The following HS6ST3 variants were observed in gnomAD, a reference collection of about 807,000 sequenced individuals.
HS6ST3 encodes heparan sulfate 6-O-sulfotransferase 3.
A neutral mutation model predicts 36.7 loss-of-function variants in HS6ST3; 12 were observed. The ratio of observed to expected loss-of-function variants is 0.33; its 90% CI spans 0.21 to 0.53. The LOEUF (loss-of-function observed/expected upper bound fraction) is 0.53, where lower values mean the gene tolerates loss of function less well. Ranked by LOEUF, HS6ST3 falls within the 20% of genes least tolerant of loss-of-function variation. HS6ST3 has a pLI of 0.95. For missense variants in HS6ST3, 584 were observed against 640.9 expected, an observed-to-expected ratio of 0.91 and a Z score of 0.96; for synonymous variants, 240 against 257.5, an observed-to-expected ratio of 0.93 and a Z score of 0.65.
At chr13:96,474,394 T>A (rs1203876996) in intron 1 of HS6ST3, among the ~76,000 whole-genome samples, 1 of 152,134 alleles carries the variant, frequency 6.6e-6, no homozygotes, top group Non-Finnish European at 1.5e-5. Context: ...GGATAGGAAA[T>A]GTTTAAAAAT....
chr13:96,622,336 T>G (rs905188118), intron 1 of HS6ST3, among the ~76,000 whole-genome samples: 1 of 152,200 alleles, frequency 6.6e-6, no homozygotes, highest in Non-Finnish European at 1.5e-5. Context: ...TGGTAACTAC[T>G]TGGGAGAAAT....
At position 96,365,123 on chromosome 13, in the gene HS6ST3, C is replaced by T. The variant is rs138789752; in HGVS notation, c.707+273554C>T. Among the ~76,000 whole-genome samples, 11 of 152,286 alleles carry T rather than the reference C, an allele frequency of 7.2e-5. No individual in the cohort carries two copies. The East Asian group carries it at 2.1e-3, about 29-fold the overall frequency. On this transcript the variant is annotated intron_variant, in intron 1 of 1. Transcript: ENST00000376705. ...GACCAGGCACTCTGTTTTGCTAGGTCAGGTTTAGTCCAGGTTTTAAGTCAG... is the reference window on the plus strand; with the variant it reads ...GACCAGGCACTCTGTTTTGCTAGGTTAGGTTTAGTCCAGGTTTTAAGTCAG...
At chr13:96,547,549 G>T (rs1311065909) in intron 1 of HS6ST3, among the ~76,000 whole-genome samples, 5 of 152,164 alleles carry the variant, frequency 3.3e-5, no homozygotes, top group Non-Finnish European at 1.5e-5. Flanking sequence ...ATTAACTTTA[G>T]TGGTTTCCTT....
At chr13:96,451,523 T>G (rs1018314775) in intron 1 of HS6ST3, among the ~76,000 whole-genome samples, 1 of 152,202 alleles carries the variant, frequency 6.6e-6, no homozygotes, top group African/African-American at 2.4e-5. Context: ...AAGTTTGAAT[T>G]CTCTGCTCAA....
chr13:96,234,325 G>A (rs61966862), intron 1 of HS6ST3, among the ~76,000 whole-genome samples: 14 of 152,038 alleles, frequency 9.2e-5, no homozygotes, highest in Non-Finnish European at 1.2e-4. Flanking sequence ...CAAGAGAATC[G>A]TTTGAACCCA....
intron 1 of HS6ST3, among the ~76,000 whole-genome samples, chr13:96,756,140 G>A (rs1170537534): frequency 6.6e-6 from 1 of 152,042 alleles, no homozygotes; most frequent in African/African-American, 2.4e-5. Flanking sequence ...GGCCGATTGA[G>A]TATCTTCTTT....
chr13:96,131,427 A>T (rs2053975104), intron 1 of HS6ST3, among the ~76,000 whole-genome samples: 1 of 151,036 alleles, frequency 6.6e-6, no homozygotes, highest in African/African-American at 2.5e-5. Context: ...AAAAAAACTT[A>T]AAAAAATTGA....
intron 1 of HS6ST3, among the ~76,000 whole-genome samples, chr13:96,155,670 C>A (rs1218600543): frequency 6.6e-6 from 1 of 152,066 alleles, no homozygotes; most frequent in Non-Finnish European, 1.5e-5. Flanking sequence ...TCAGTATATA[C>A]CAAGTAATTC....
intron 1 of HS6ST3, among the ~76,000 whole-genome samples, chr13:96,586,924 A>G (rs2056363542): frequency 6.6e-6 from 1 of 152,126 alleles, no homozygotes; most frequent in Non-Finnish European, 1.5e-5. Context: ...TAATAGTTTC[A>G]TGTCTTCCAA....
intron 1 of HS6ST3, among the ~76,000 whole-genome samples, chr13:96,393,724 C>T (rs1182651139): frequency 3.3e-5 from 5 of 152,154 alleles, no homozygotes; most frequent in Non-Finnish European, 7.3e-5. Flanking sequence ...ACTCAGCCGG[C>T]AGAGGCTGTG....
rs180830739 is a variant in HS6ST3 at position 96,776,037 on chromosome 13, T to C, written c.708-56453T>C. Among the ~76,000 whole-genome samples the C allele has an allele frequency of 7.0e-4, 107 of 152,172 alleles. 2 individuals carry two copies. Among genetic ancestry groups the C allele is most frequent in the African/African-American group, 2.5e-3 (102 of 41,550 alleles). ...AATTAGAACTCAGGATTAAGAAATT[T>C]ACTCAAAACTGCACAACTACATGGA... is the stretch of plus-strand genomic sequence containing the variant. On this transcript the variant is annotated intron_variant, in intron 1 of 1. Transcript: ENST00000376705.
At chr13:96,569,358 T>G (rs545359915) in intron 1 of HS6ST3, among the ~76,000 whole-genome samples, 52 of 152,256 alleles carry the variant, frequency 3.4e-4, no homozygotes, top group African/African-American at 1.2e-3. Context: ...TCCTTGGAAT[T>G]AGGCCAGCCA....
intron 1 of HS6ST3, among the ~76,000 whole-genome samples, chr13:96,317,353 TATA>T (rs1566322058): frequency 4.4e-4 from 14 of 31,984 alleles, no homozygotes; most frequent in East Asian, 3.0e-3. Context: ...TATATATATA[TATA>T]TATATATATA....
intron 1 of HS6ST3, among the ~76,000 whole-genome samples, chr13:96,501,925 CAA>C (rs1041900652): frequency 1.3e-5 from 2 of 152,192 alleles, no homozygotes; most frequent in Non-Finnish European, 1.5e-5. Flanking sequence ...ATTTCAAAAA[CAA>C]TGAGTCTTAA....
rs964945604 is a variant in HS6ST3, at chr13:96,236,256, A to G, written c.707+144687A>G. Among the ~76,000 whole-genome samples, 5 of 152,174 alleles carry G rather than the reference A, an allele frequency of 3.3e-5. No homozygotes were observed. In the South Asian group the frequency reaches 8.3e-4, roughly 25 times the overall value. ...TCTGCCTCTCACAGTCCACTGACTC[A>G]GGTGTTAACCTCTCTAGCAACACCC... On this transcript the variant is annotated intron_variant, in intron 1 of 1. Transcript: ENST00000376705.
chr13:96,706,413 T>TATATATATATATA (rs1555319827), intron 1 of HS6ST3, among the ~76,000 whole-genome samples: 14 of 121,054 alleles, frequency 1.2e-4, no homozygotes, highest in African/African-American at 4.2e-4. Context: ...AGAATATATT[T>TATATATATATATA]TATATATATA....
intron 1 of HS6ST3, among the ~76,000 whole-genome samples, chr13:96,251,583 C>A (rs1431384278): frequency 6.6e-6 from 1 of 151,764 alleles, no homozygotes; most frequent in Non-Finnish European, 1.5e-5. Context: ...CTGCTCTAAT[C>A]TTTATTGTCT....
intron 1 of HS6ST3, among the ~76,000 whole-genome samples, chr13:96,750,150 T>C (rs1462950308): frequency 6.6e-6 from 1 of 152,228 alleles, no homozygotes; most frequent in African/African-American, 2.4e-5. Context: ...TTTAAGTTAC[T>C]CTGGCACCAT....
intron 1 of HS6ST3, among the ~76,000 whole-genome samples, chr13:96,590,573 T>C (rs1281834218): frequency 6.6e-6 from 1 of 152,036 alleles, no homozygotes; most frequent in East Asian, 1.9e-4. Flanking sequence ...TGAGCTCCTT[T>C]TATATTCTAG....
Sources: gnomAD v4.1 joint callset for allele counts (sites outside exome capture counted in the v4.1 genomes callset) on GRCh38, gnomAD v4.1.1 for gene constraint, MANE v1.5 for transcripts, NCBI Gene and HGNC (gene_info 2026-07-23, HGNC 2026-07-21) for gene names.